Variants in CYP4V2 observed in about 807,000 individuals in gnomAD.
CYP4V2 encodes cytochrome P450 family 4 subfamily V member 2.
A neutral mutation model predicts 60.8 loss-of-function variants in CYP4V2; 55 were observed. The ratio of observed to expected loss-of-function variants is 0.90; its 90% CI spans 0.73 to 1.13. The LOEUF (loss-of-function observed/expected upper bound fraction) is 1.13, where lower values mean the gene tolerates loss of function less well. Ranked by LOEUF, CYP4V2 falls within the 50% of genes most tolerant of loss-of-function variation. CYP4V2 has a pLI of 0.00. For synonymous variants in CYP4V2, 239 were observed against 236.8 expected (o/e 1.01, Z -0.08); for missense variants, 675 against 662.9 (o/e 1.02, Z -0.20).
At chr4:186,209,393 G>A in intron 10 of CYP4V2, 121 bp downstream of exon 10, 2 of 1,255,490 alleles carry the variant, frequency 1.6e-6, no homozygotes, top group Non-Finnish European at 1.1e-6. Flanking sequence ...AAAAAAAATA[G>A]GTGGTTTCTT....
chr4:186,199,623 G>C (rs896670689), intron 6 of CYP4V2, among the ~76,000 whole-genome samples: 13 of 152,186 alleles, frequency 8.5e-5, no homozygotes, highest in African/African-American at 3.1e-4. Context: ...TCTGGAAAAT[G>C]TTTGGATTCG....
chr4:186,209,999 A>T (rs1416638340), intron 10 of CYP4V2, among the ~76,000 whole-genome samples: 1 of 152,260 alleles, frequency 6.6e-6, no homozygotes, highest in Non-Finnish European at 1.5e-5. Flanking sequence ...TGCTTGCCAT[A>T]TGGCCAGCTA....
rs866920606 is a variant in CYP4V2, at chr4:186,196,024, C to A, written c.349C>A (p.Gln117Lys). 6.2e-7 allele frequency: 1 copy of A among 1,613,888 alleles called. No individual in the cohort carries two copies. Among genetic ancestry groups the A allele is most frequent in the Non-Finnish European group, 8.5e-7 (1 of 1,179,810 alleles). ...NVEVILTSSK[Q>K]IDKSSMYKFL... ...TAAGGTAATTTTAACTAGTTCAAAG[C>A]AAATTGACAAATCCTCTATGTACAA... Residue 117 changes from glutamine to lysine, a missense_variant, in exon 3 of 11, where the codon CAA becomes AAA. Physicochemically the swap from Gln to Lys is moderately conservative, Grantham distance 53 (BLOSUM62 1). Coordinates refer to ENST00000378802, the MANE Select transcript of CYP4V2 (RefSeq NM_207352.4).
intron 7 of CYP4V2, 83 bp downstream of exon 7, chr4:186,201,425 C>T: frequency 6.7e-7 from 1 of 1,483,306 alleles, no homozygotes; most frequent in South Asian, 1.2e-5. Flanking sequence ...TTAAAACAAT[C>T]AAATTTTAAA....
chr4:186,205,130 A>C, intron 7 of CYP4V2, 70 bp from the exon 8 acceptor site: 1 of 1,390,546 alleles, frequency 7.2e-7, no homozygotes, highest in Non-Finnish European at 1.0e-6. Context: ...AATTCAAAAG[A>C]GGTTTCTGGT....
intron 7 of CYP4V2, chr4:186,204,796 CT>C (rs35079309): frequency 0.22 from 71,757 of 325,528 alleles, 9,637 homozygotes; most frequent in South Asian, 0.44. Context: ...CCTCTACCCC[CT>C]GGTGCCCGTC....
intron 10 of CYP4V2, 91 bp from the exon 11 acceptor site, chr4:186,210,378 A>G: frequency 6.5e-7 from 1 of 1,549,484 alleles, no homozygotes; most frequent in Non-Finnish European, 8.9e-7. Flanking sequence ...GCGAAAATGT[A>G]AAGTGGCTCG....
chr4:186,192,348 T>C, intron 1 of CYP4V2: 2 of 598,376 alleles, frequency 3.3e-6, no homozygotes, highest in South Asian at 3.2e-5. Context: ...TGCCTTGGCT[T>C]GGGAAGCCTT....
At chr4:186,207,012 A>AGT (rs1736527703) in intron 8 of CYP4V2, among the ~76,000 whole-genome samples, 1 of 152,118 alleles carries the variant, frequency 6.6e-6, no homozygotes, top group Non-Finnish European at 1.5e-5. Flanking sequence ...CTGCAGAATG[A>AGT]GTGACACAGT....
At chr4:186,192,092 C>T in intron 1 of CYP4V2, 55 bp downstream of exon 1, 1 of 1,529,974 alleles carries the variant, frequency 6.5e-7, no homozygotes, top group Non-Finnish European at 8.8e-7. Flanking sequence ...CCGTTCCCAC[C>T]CTCCGATCAG....
In CYP4V2 at chr4:186,191,893, C is replaced by G; in HGVS notation, c.70C>G (p.Leu24Val). 1 of 1,591,370 alleles carries G rather than the reference C, an allele frequency of 6.3e-7. No individual in the cohort carries two copies. Among genetic ancestry groups the G allele is most frequent in the Non-Finnish European group, 8.5e-7 (1 of 1,172,988 alleles). The change falls in exon 1 of 11, where the codon CTG becomes GTG. Residue 24 changes from leucine to valine, a missense_variant. Leu to Val is a conservative substitution (Grantham distance 32, BLOSUM62 1). Transcript: ENST00000378802. ...LLWGAASALS[L>V]AGASLVLSLL... ...GTGGGGCGCGGCGAGTGCCCTTTCCCTGGCCGGCGCCAGTCTGGTCCTGAG... is the reference window on the plus strand; with the variant it reads ...GTGGGGCGCGGCGAGTGCCCTTTCCGTGGCCGGCGCCAGTCTGGTCCTGAG...
intron 7 of CYP4V2, 68 bp from the exon 8 acceptor site, chr4:186,205,132 G>A (rs1736459053): frequency 2.8e-6 from 4 of 1,446,216 alleles, no homozygotes; most frequent in Non-Finnish European, 3.9e-6. Context: ...TTCAAAAGAG[G>A]TTTCTGGTCA....
chr4:186,196,312 C>T (rs767498983), intron 3 of CYP4V2: 118 of 566,832 alleles, frequency 2.1e-4, no homozygotes, highest in Middle Eastern at 4.6e-4. Context: ...TATTCAATAG[C>T]GACTGTCGCC....
At chr4:186,207,092 C>T (rs373229163) in intron 8 of CYP4V2, among the ~76,000 whole-genome samples, 2 of 152,122 alleles carry the variant, frequency 1.3e-5, no homozygotes, top group African/African-American at 4.8e-5. Flanking sequence ...TTTTCTTCTA[C>T]CCCCAATCCT....
chr4:186,210,676 G>A lies in CYP4V2; in HGVS notation c.*35G>A, dbSNP rs1217369078. ...TGGGTTGTGCCTTTATCATGAGAAAGGTCTTTATTTTAAGAGATCCTTGTC... is the reference window on the plus strand; with the variant it reads ...TGGGTTGTGCCTTTATCATGAGAAAAGTCTTTATTTTAAGAGATCCTTGTC... On this transcript the variant is annotated 3_prime_UTR_variant, in exon 11 of 11. Transcript: ENST00000378802. 4 of 1,612,970 alleles carry A rather than the reference G, an allele frequency of 2.5e-6. No individual in the cohort carries two copies. In the East Asian group the frequency reaches 6.7e-5, roughly 27 times the overall value.
Position 186,191,781 on chromosome 4 carries a change from C to T in CYP4V2, c.-43C>T, listed in dbSNP as rs1735988157. 1.4e-6 allele frequency: 2 copies of T among 1,456,662 alleles called. No individual in the cohort carries two copies. The highest frequency in any genetic ancestry group is 2.7e-5 in the East Asian group (1 of 36,730). The allele number at this position is 1,456,662 out of a possible 1,614,324, so 90.2% of individuals were successfully genotyped here. ...CGCCTCGCACCACGCCCCCGCGGGC[C>T]CGCACTTTCCCGGAGTGCACCCCGC... On this transcript the variant is annotated 5_prime_UTR_variant, in exon 1 of 11. Coordinates refer to ENST00000378802, the MANE Select transcript of CYP4V2 (RefSeq NM_207352.4).
At chr4:186,204,304 G>C (rs1474590404) in intron 7 of CYP4V2, 35 of 154,490 alleles carry the variant, frequency 2.3e-4, no homozygotes, top group East Asian at 1.4e-3. Context: ...TGGCGTAAGA[G>C]GCGGCGGTGG....
At chr4:186,204,477 C>T (rs1736436909) in intron 7 of CYP4V2, 1 of 126,206 alleles carries the variant, frequency 7.9e-6, no homozygotes, top group Non-Finnish European at 1.7e-5. Context: ...GGAGGTGGAG[C>T]GTCCTTACTG....
chr4:186,209,418 G>A (rs1736639122), intron 10 of CYP4V2, 146 bp downstream of exon 10: 2 of 1,031,644 alleles, frequency 1.9e-6, no homozygotes, highest in East Asian at 2.5e-5. Context: ...CCCTCACTGT[G>A]CTTTGTAGTT....
Sources: allele counts gnomAD v4.1 joint callset (sites outside exome capture counted in the v4.1 genomes callset), GRCh38; gene constraint gnomAD v4.1.1; transcripts MANE v1.5; gene names NCBI Gene and HGNC (gene_info 2026-07-23, HGNC 2026-07-21).